Variants in HHIPL1 observed in about 807,000 individuals in gnomAD.
HHIPL1 encodes the protein HHIP-like protein 1.
In HHIPL1, 43 loss-of-function variants were observed where a neutral mutation model predicts 61.8. That is an observed-to-expected ratio of 0.70 (90% confidence interval 0.55 to 0.90). The LOEUF is 0.90. Ranked by LOEUF, HHIPL1 falls within the 40% of genes least tolerant of loss-of-function variation. The probability of loss-of-function intolerance (pLI) is 0.00; values close to 1 mark genes in which losing one functional copy is unlikely to be tolerated. For synonymous variants in HHIPL1, 482 were observed against 515.8 expected (o/e 0.93, Z 0.89); for missense variants, 1,056 against 1,157.7 (o/e 0.91, Z 1.28).
At chr14:99,629,123 C>T in the HHIPL1 span, among the ~76,000 whole-genome samples, 1 of 152,154 alleles carries the variant, frequency 6.6e-6, no homozygotes, top group East Asian at 1.9e-4. Context: ...AGATCACGTG[C>T]CAGGCACTGC....
At chr14:99,671,969 C>T (rs185230351) in intron 7 of HHIPL1, among the ~76,000 whole-genome samples, 6 of 152,252 alleles carry the variant, frequency 3.9e-5, no homozygotes, top group East Asian at 3.9e-4. Context: ...AGGAATCAGA[C>T]GGCAGGCTGT....
At chr14:99,610,684 C>G in the HHIPL1 span, among the ~76,000 whole-genome samples, 1 of 152,234 alleles carries the variant, frequency 6.6e-6, no homozygotes, top group Non-Finnish European at 1.5e-5. Context: ...TCGCTTGAAC[C>G]CGGGAGGCAG....
chr14:99,635,490 G>A, the HHIPL1 span, among the ~76,000 whole-genome samples: 360 of 152,258 alleles, frequency 2.4e-3, 1 homozygote, highest in African/African-American at 8.0e-3. Context: ...AGGAAAGTGG[G>A]GCTGGGCCTT....
chr14:99,619,681 C>G, the HHIPL1 span, among the ~76,000 whole-genome samples: 7 of 151,990 alleles, frequency 4.6e-5, no homozygotes, highest in African/African-American at 1.5e-4. Context: ...GTTCAGGAAG[C>G]CTAGAGTGCT....
the HHIPL1 span, among the ~76,000 whole-genome samples, chr14:99,621,197 C>T: frequency 1.3e-5 from 2 of 152,184 alleles, no homozygotes; most frequent in Non-Finnish European, 2.9e-5. Flanking sequence ...CTCCCTGGCT[C>T]AAACCAACCT....
At chr14:99,663,068 C>T (rs375508667) in intron 6 of HHIPL1, 47 bp downstream of exon 6, 1 of 1,545,602 alleles carries the variant, frequency 6.5e-7, no homozygotes, top group Non-Finnish European at 8.7e-7. Context: ...GTGCCTGGGA[C>T]TGGTCCTCCA....
chr14:99,605,394 G>C, the HHIPL1 span, among the ~76,000 whole-genome samples: 1 of 150,942 alleles, frequency 6.6e-6, no homozygotes, highest in African/African-American at 2.4e-5. Context: ...GGGCGGGGGG[G>C]GGTCCCTCCC....
At chr14:99,631,096 CTTTCTT>C in the HHIPL1 span, among the ~76,000 whole-genome samples, 18 of 147,382 alleles carry the variant, frequency 1.2e-4, no homozygotes, top group African/African-American at 2.8e-4. Flanking sequence ...TTCTTTCTTT[CTTTCTT>C]TCTTTCTCTC....
chr14:99,635,268 T>C, the HHIPL1 span, among the ~76,000 whole-genome samples: 1 of 152,152 alleles, frequency 6.6e-6, no homozygotes, highest in Non-Finnish European at 1.5e-5. Flanking sequence ...CCGCCTGCCG[T>C]CCTGAGTGGG....
chr14:99,618,353 G>A, the HHIPL1 span, among the ~76,000 whole-genome samples: 4 of 152,206 alleles, frequency 2.6e-5, no homozygotes, highest in Non-Finnish European at 5.9e-5. Context: ...CAGGCCTGAG[G>A]AACACTGGAC....
chr14:99,616,481 G>A, the HHIPL1 span, among the ~76,000 whole-genome samples: 2 of 152,186 alleles, frequency 1.3e-5, no homozygotes, highest in Admixed American at 6.5e-5. Context: ...TAAGTGGCCC[G>A]AAGCCTCCTC....
chr14:99,605,698 G>A, the HHIPL1 span, among the ~76,000 whole-genome samples: 1 of 152,266 alleles, frequency 6.6e-6, no homozygotes, highest in Admixed American at 6.5e-5. Flanking sequence ...AAGTCGAGCT[G>A]CTGTCATAGA....
chr14:99,636,258 A>G, the HHIPL1 span, among the ~76,000 whole-genome samples: 1 of 145,484 alleles, frequency 6.9e-6, no homozygotes, highest in Non-Finnish European at 1.5e-5. Context: ...ACTCAGAAAT[A>G]CCTGGAGAGA....
the HHIPL1 span, among the ~76,000 whole-genome samples, chr14:99,613,223 A>G: frequency 6.6e-6 from 1 of 151,812 alleles, no homozygotes; most frequent in Non-Finnish European, 1.5e-5. Flanking sequence ...CAACGAGACC[A>G]GGAGGCCCAC....
At chr14:99,607,021 CTTTTTTTTTT>C in the HHIPL1 span, among the ~76,000 whole-genome samples, 2 of 68,404 alleles carry the variant, frequency 2.9e-5, no homozygotes, top group African/African-American at 6.6e-5. Flanking sequence ...GTGACTTTGC[CTTTTTTTTTT>C]TTTTTTTTTT....
chr14:99,615,041 C>T, the HHIPL1 span, among the ~76,000 whole-genome samples: 3 of 152,010 alleles, frequency 2.0e-5, no homozygotes, highest in Admixed American at 6.6e-5. Context: ...GCGTAGAGTG[C>T]GGAGAAAAGG....
rs2056274573 is a variant in HHIPL1, at chr14:99,668,084, GAGCTGGGATGCCTCACGTGATGGCT to G, written c.1649-130_1649-106del. 2 of 704,064 alleles carry G rather than the reference GAGCTGGGATGCCTCACGTGATGGCT, an allele frequency of 2.8e-6. No individual in the cohort carries two copies. The highest frequency in any genetic ancestry group is 5.3e-6 in the Non-Finnish European group (2 of 377,764). 43.6% of individuals were successfully genotyped at this position (704,064 alleles called of 1,614,324 possible). A position where few individuals can be genotyped will look rare whatever the true frequency, so the allele number is the denominator to read the frequency against. On this transcript the variant is annotated intron_variant, in intron 6 of 8. Transcript: ENST00000330710. The surrounding 1 kb of genome is among the most constrained non-coding windows in gnomAD (Gnocchi z 4.7). ...TTTCTGGGGACTGGACAGCTAGACT[GAGCTGGGATGCCTCACGTGATGGCT>G]AGCTGGGGTTGGGGTCTATTTCCAA...
At chr14:99,657,455 T>C (rs1251030646) in intron 3 of HHIPL1, among the ~76,000 whole-genome samples, 2 of 152,120 alleles carry the variant, frequency 1.3e-5, no homozygotes, top group Non-Finnish European at 2.9e-5. Flanking sequence ...TCAGGGCAGA[T>C]GGGATTTTCT....
At chr14:99,649,594 A>G (rs536337825) in intron 1 of HHIPL1, among the ~76,000 whole-genome samples, 1 of 152,248 alleles carries the variant, frequency 6.6e-6, no homozygotes, top group African/African-American at 2.4e-5. Context: ...AGTTCAAGAC[A>G]AGCCTGGGAA....
Sources: allele counts gnomAD v4.1 joint callset (sites outside exome capture counted in the v4.1 genomes callset), GRCh38; gene constraint gnomAD v4.1.1; non-coding constraint Gnocchi (gnomAD v3.1); transcripts MANE v1.5; gene names NCBI Gene and HGNC (gene_info 2026-07-23, HGNC 2026-07-21).